NFKB1: variants seen among roughly 807,000 people sequenced by gnomAD.
NFKB1 encodes the protein nuclear factor kappa B subunit 1.
Under a neutral mutation model 105.1 loss-of-function variants are expected in NFKB1, and 9 were observed. The ratio of observed to expected loss-of-function variants is 0.09; its 90% CI spans 0.05 to 0.15. The LOEUF is 0.15. NFKB1 is among the 10% of genes least tolerant of loss of function. The pLI, the probability that NFKB1 is intolerant of heterozygous loss-of-function variation, is 1.00. For missense variants in NFKB1, 830 were observed against 1,203.7 expected (o/e 0.69, Z 4.59); for synonymous variants, 440 against 442.2 (o/e 1.00, Z 0.06).
chr4:102,515,678 T>C (rs1740130806), intron 1 of NFKB1, among the ~76,000 whole-genome samples: 1 of 152,226 alleles, frequency 6.6e-6, no homozygotes, highest in East Asian at 1.9e-4. Flanking sequence ...GTTATACTTC[T>C]GTTTGTCCTT....
Position 102,606,637 on chromosome 4 carries a change from C to T in NFKB1, c.1894C>T (p.Leu632Phe). ...LAAKEGHDKV[L>F]SILLKHKKAA... ...TGCCAAAGAAGGACATGATAAAGTT[C>T]TCAGTATCTTACTCAAGCACAAAAA... The change falls in exon 17 of 24, where the codon CTC (leucine) becomes TTC (phenylalanine). Residue 632 changes from leucine (L) to phenylalanine (F), a missense_variant. Transcript: ENST00000226574. 1 of 1,614,164 alleles carries T rather than the reference C, an allele frequency of 6.2e-7. No individual in the cohort carries two copies. The highest frequency in any genetic ancestry group is 1.3e-5 in the African/African-American group (1 of 75,046).
intron 6 of NFKB1, among the ~76,000 whole-genome samples, chr4:102,570,386 G>T (rs762005894): frequency 6.6e-6 from 1 of 152,102 alleles, no homozygotes; most frequent in Admixed American, 6.5e-5. Context: ...CAAAACATAT[G>T]ATCTTATTCT....
chr4:102,595,653 C>T (rs1251530868), intron 13 of NFKB1, among the ~76,000 whole-genome samples: 1 of 152,178 alleles, frequency 6.6e-6, no homozygotes, highest in African/African-American at 2.4e-5. Flanking sequence ...AGCAGGTCTC[C>T]TGCAGAAAAG....
chr4:102,602,079 TC>T (rs1727204428), intron 16 of NFKB1, among the ~76,000 whole-genome samples: 1 of 152,212 alleles, frequency 6.6e-6, no homozygotes, highest in Non-Finnish European at 1.5e-5. Flanking sequence ...AGATATTTGT[TC>T]CTGCTCTCTC....
At chr4:102,574,964 G>A (rs944517243) in intron 6 of NFKB1, among the ~76,000 whole-genome samples, 3 of 152,160 alleles carry the variant, frequency 2.0e-5, no homozygotes, top group African/African-American at 4.8e-5. Flanking sequence ...GTTTATCATT[G>A]CTATTACAAA....
chr4:102,522,087 A>G (rs796769819), intron 1 of NFKB1, among the ~76,000 whole-genome samples: 59 of 152,242 alleles, frequency 3.9e-4, no homozygotes, highest in African/African-American at 1.4e-3. Flanking sequence ...AGGGAAAGTG[A>G]GGGGAAGGGC....
At chr4:102,533,562 C>T (rs769276676) in intron 3 of NFKB1, among the ~76,000 whole-genome samples, 9 of 152,204 alleles carry the variant, frequency 5.9e-5, no homozygotes, top group East Asian at 1.9e-4. Context: ...CAATTCTTGC[C>T]GGCCATATGC....
intron 4 of NFKB1, chr4:102,537,542 A>G (rs1388503850): frequency 2.2e-5 from 4 of 183,808 alleles, no homozygotes; most frequent in African/African-American, 9.5e-5. Context: ...TGACTAGAAC[A>G]AGCCGTAACA....
intron 11 of NFKB1, among the ~76,000 whole-genome samples, chr4:102,585,760 A>T (rs542496667): frequency 4.6e-5 from 7 of 152,294 alleles, no homozygotes; most frequent in Admixed American, 2.0e-4. Context: ...AGGCTTCGTC[A>T]AGGAGATATC....
intron 1 of NFKB1, among the ~76,000 whole-genome samples, chr4:102,516,138 T>A (rs930664118): frequency 6.6e-6 from 1 of 152,106 alleles, no homozygotes; most frequent in African/African-American, 2.4e-5. Flanking sequence ...TGTTCCCCCA[T>A]ATATAATATG....
rs142471825 is a variant in NFKB1, at chr4:102,532,275, C to A, written c.119-1570C>A. ...TGAATAATAACAGGAAGTAATTATA[C>A]CCTTGTTTTCTCCAGTTCTCTAGCC... On this transcript the variant is annotated intron_variant, in intron 3 of 23. Coordinates refer to ENST00000226574, the MANE Select transcript of NFKB1 (RefSeq NM_003998.4). Among the ~76,000 whole-genome samples, 413 of 152,072 alleles carry A rather than the reference C, an allele frequency of 2.7e-3. 3 individuals carry two copies. The highest frequency in any genetic ancestry group is 4.2e-3 in the Non-Finnish European group (285 of 67,978).
At chr4:102,519,304 A>G (rs1296485854) in intron 1 of NFKB1, among the ~76,000 whole-genome samples, 1 of 147,754 alleles carries the variant, frequency 6.8e-6, no homozygotes, top group East Asian at 1.9e-4. Flanking sequence ...ATTATATATT[A>G]TATAAAATAT....
At chr4:102,509,731 T>C (rs1157011512) in intron 1 of NFKB1, among the ~76,000 whole-genome samples, 4 of 152,308 alleles carry the variant, frequency 2.6e-5, no homozygotes, top group Middle Eastern at 6.8e-3. Context: ...GCCCTTCTTA[T>C]ACATTCAGCT....
chr4:102,589,089 G>C (rs1725958527), intron 11 of NFKB1, among the ~76,000 whole-genome samples: 1 of 152,050 alleles, frequency 6.6e-6, no homozygotes, highest in South Asian at 2.1e-4. Context: ...TCAGTTTCTT[G>C]TCATTGGAAT....
chr4:102,562,846 T>A (rs1371132171), intron 5 of NFKB1, among the ~76,000 whole-genome samples: 1 of 152,228 alleles, frequency 6.6e-6, no homozygotes, highest in Non-Finnish European at 1.5e-5. Context: ...GATTTCCGTT[T>A]GAAAATTGTG....
At chr4:102,545,894 G>A (rs1722099988) in intron 5 of NFKB1, among the ~76,000 whole-genome samples, 1 of 152,118 alleles carries the variant, frequency 6.6e-6, no homozygotes, top group Non-Finnish European at 1.5e-5. Flanking sequence ...TTATGCCACT[G>A]TGTTTTAAAA....
intron 5 of NFKB1, among the ~76,000 whole-genome samples, chr4:102,551,368 G>GTGTGTGTGTGTGTGCA (rs1553931294): frequency 1.7e-5 from 2 of 120,554 alleles, no homozygotes; most frequent in Admixed American, 7.9e-5. Context: ...GTGTGTGTGT[G>GTGTGTGTGTGTGTGCA]CGCGCGCGCA....
chr4:102,581,293 G>A (rs942920738), intron 9 of NFKB1, among the ~76,000 whole-genome samples: 8 of 152,122 alleles, frequency 5.3e-5, no homozygotes. Context: ...TAGTTGGAAA[G>A]TGTAGTATAA....
intron 2 of NFKB1, among the ~76,000 whole-genome samples, chr4:102,528,189 C>T (rs1741049210): frequency 6.6e-6 from 1 of 152,064 alleles, no homozygotes; most frequent in African/African-American, 2.4e-5. Context: ...CCCTTTTGCC[C>T]ACTCGCCAGT....
Sources: gnomAD v4.1 joint callset for allele counts (sites outside exome capture counted in the v4.1 genomes callset) on GRCh38, gnomAD v4.1.1 for gene constraint, MANE v1.5 for transcripts, NCBI Gene and HGNC (gene_info 2026-07-23, HGNC 2026-07-21) for gene names.